NUCB2: variants seen among roughly 807,000 people sequenced by gnomAD.
NUCB2 encodes the protein nucleobindin-2.
NUCB2 carries 48 observed loss-of-function variants against 57.9 expected under a neutral mutation model. The observed-to-expected ratio is 0.83, with a 90% CI of 0.66 to 1.05. The LOEUF is 1.05. NUCB2 is among the 50% of genes least tolerant of loss of function. The pLI is 0.00. For missense variants in NUCB2, 442 were observed against 476.2 expected (o/e 0.93, Z 0.67); for synonymous variants, 139 against 152.1 (o/e 0.91, Z 0.64).
intron 2 of NUCB2, among the ~76,000 whole-genome samples, chr11:17,287,164 C>CA (rs72049573): frequency 1.8e-4 from 27 of 149,818 alleles, no homozygotes; most frequent in South Asian, 8.5e-4. Context: ...ACAACTCTAC[C>CA]AAAAAAAAAT....
chr11:17,335,276 C>T (rs145430884), downstream of NUCB2, among the ~76,000 whole-genome samples: 118 of 152,096 alleles, frequency 7.8e-4, 2 homozygotes, highest in East Asian at 0.021. Flanking sequence ...TTTGGGTAAA[C>T]GTTTTTAGAT....
chr11:17,334,053 A>ACTGCCC (rs1951613872), downstream of NUCB2: 1 of 152,176 alleles, frequency 6.6e-6, no homozygotes, highest in Non-Finnish European at 1.5e-5. Context: ...AAGAAGTCTC[A>ACTGCCC]CTGCCCAAAG....
intron 2 of NUCB2, among the ~76,000 whole-genome samples, chr11:17,339,614 G>A (rs1479146356): frequency 6.8e-6 from 1 of 147,094 alleles, no homozygotes; most frequent in African/African-American, 2.5e-5. Context: ...TTGGTTTTTT[G>A]TCCTTGCGAT....
intron 2 of NUCB2, among the ~76,000 whole-genome samples, chr11:17,288,958 TA>T (rs1431293880): frequency 0.041 from 3,273 of 80,570 alleles, 596 homozygotes; most frequent in East Asian, 0.082. Context: ...CACATATATA[TA>T]TATATTTTTT....
At chr11:17,287,912 C>T (rs554224706) in intron 2 of NUCB2, among the ~76,000 whole-genome samples, 19 of 152,092 alleles carry the variant, frequency 1.2e-4, no homozygotes, top group African/African-American at 4.3e-4. Flanking sequence ...AGGCAGGAAT[C>T]GCTTGAACCC....
chr11:17,294,780 G>A (rs1007699412), intron 2 of NUCB2, among the ~76,000 whole-genome samples: 4 of 151,980 alleles, frequency 2.6e-5, no homozygotes, highest in Non-Finnish European at 5.9e-5. Flanking sequence ...GGGCACAGTG[G>A]CTCACGCCTG....
In NUCB2 at chr11:17,330,870, T is replaced by C. The variant is rs1951307601; in HGVS notation, c.1174-32T>C. The C allele has an allele frequency of 1.6e-6, 2 of 1,285,788 alleles. No individual in the cohort carries two copies. The highest frequency in any genetic ancestry group is 2.9e-5 in the African/African-American group (2 of 69,022). The allele number at this position is 1,285,788 out of a possible 1,614,324, so 79.6% of individuals were successfully genotyped here. A position where few individuals can be genotyped will look rare whatever the true frequency, so the allele number is the denominator to read the frequency against. On this transcript the variant is annotated intron_variant, in intron 12 of 13. Transcript: ENST00000529010. The surrounding 1 kb of genome is among the most constrained non-coding windows in gnomAD (Gnocchi z 4.3). The stretch of plus-strand genomic sequence containing the variant: ...TCACACATATGATAGAAAATCAAGT[T>C]ATACTTTTAACTTTCATTTTCCATT...
rs1279669540 is a variant in NUCB2, at chr11:17,330,178, AAT to A, written c.1057_1058del (p.Ile353TyrfsTer7). 4 of 1,586,958 alleles carry A rather than the reference AAT, an allele frequency of 2.5e-6. No individual in the cohort carries two copies. The highest frequency in any genetic ancestry group is 3.4e-6 in the Non-Finnish European group (4 of 1,159,630). On this transcript the variant is annotated frameshift_variant, in exon 12 of 14. Transcript: ENST00000529010. LOFTEE classifies it high-confidence loss of function. The surrounding 1 kb of genome is among the most constrained non-coding windows in gnomAD (Gnocchi z 4.3). Reference sequence around the variant, plus strand: ...AGAGGAAGAACTAAAAGAATATGAAAATATTATTGCTTTACAAGAAAATGAAC... The same window carrying A: ...AGAGGAAGAACTAAAAGAATATGAAAATTATTGCTTTACAAGAAAATGAAC... ...FTEEELKEYENIIALQENELK... is the reference protein window; with the variant it reads ...FTEEELKEYEXIIALQENELK...
chr11:17,282,572 T>A (rs1485335800), intron 1 of NUCB2, among the ~76,000 whole-genome samples: 1 of 152,020 alleles, frequency 6.6e-6, no homozygotes. Context: ...ACATCTTTGT[T>A]TATTCCGGTT....
chr11:17,289,598 A>G (rs982255983), intron 2 of NUCB2, among the ~76,000 whole-genome samples: 14 of 152,190 alleles, frequency 9.2e-5, no homozygotes, highest in Non-Finnish European at 1.6e-4. Flanking sequence ...CTCTTCCTTT[A>G]GCTCAGCCAC....
At chr11:17,326,501 T>G (rs1303422923) in intron 11 of NUCB2, among the ~76,000 whole-genome samples, 1 of 150,644 alleles carries the variant, frequency 6.6e-6, no homozygotes, top group Non-Finnish European at 1.5e-5. Context: ...GTATTTTTAA[T>G]AGAGACAGGG....
intron 2 of NUCB2, among the ~76,000 whole-genome samples, chr11:17,346,205 G>A (rs772015491): frequency 1.3e-5 from 2 of 152,166 alleles, no homozygotes; most frequent in Non-Finnish European, 2.9e-5. Context: ...GCTAGTAAGT[G>A]GTTATCCACC....
In NUCB2 at chr11:17,285,253, C is replaced by T. The variant is rs541588796; in HGVS notation, c.-1+2310C>T. Among the ~76,000 whole-genome samples the T allele has an allele frequency of 4.0e-5, 6 of 151,826 alleles. No individual in the cohort carries two copies. The South Asian group carries it at 1.2e-3, about 32-fold the overall frequency. On this transcript the variant is annotated intron_variant, in intron 2 of 13. Coordinates refer to ENST00000529010, the MANE Select transcript of NUCB2 (RefSeq NM_005013.4). ...CCATCCTGGCTAACATGGTGAAACC[C>T]CGTCTCTACTAAAAACATACAAAAA...
rs61660913 is a variant in NUCB2, at chr11:17,291,545, C to CAAA, written c.1-3766_1-3764dup. On this transcript the variant is annotated intron_variant, in intron 2 of 13. Transcript: ENST00000529010. The stretch of plus-strand genomic sequence containing the variant: ...TGGGTGGCAGAGTAAGACTCTGCAT[C>CAAA]AAAAAAAAAAAAAAATCAGTCTTTT... Among the ~76,000 whole-genome samples, 75 of 52,206 alleles carry CAAA rather than the reference C, an allele frequency of 1.4e-3. 5 individuals are homozygous for CAAA. The highest frequency in any genetic ancestry group is 4.6e-3 in the African/African-American group (67 of 14,532). 34.2% of individuals were successfully genotyped at this position (52,206 alleles called of 152,430 possible).
At chr11:17,345,755 T>C (rs887886607) in intron 2 of NUCB2, among the ~76,000 whole-genome samples, 4 of 152,184 alleles carry the variant, frequency 2.6e-5, no homozygotes, top group Admixed American at 2.6e-4. Context: ...AAAACGTTAT[T>C]TTTAAATTTT....
At position 17,300,192 on chromosome 11, in the gene NUCB2, G is replaced by T. The variant is rs1262428334; in HGVS notation, c.253-1552G>T. On this transcript the variant is annotated intron_variant, in intron 4 of 13. Coordinates refer to ENST00000529010, the MANE Select transcript of NUCB2 (RefSeq NM_005013.4). ...CACCTGGCTAATTTTTGTATTTTTA[G>T]CAGAGATGGGTTTTCGCCATGTTGG... Among the ~76,000 whole-genome samples, 4 of 152,016 alleles carry T rather than the reference G, an allele frequency of 2.6e-5. No individual in the cohort carries two copies. The East Asian group carries it at 7.7e-4, about 29-fold the overall frequency.
chr11:17,287,288 C>T (rs1360695670), intron 2 of NUCB2, among the ~76,000 whole-genome samples: 1 of 152,026 alleles, frequency 6.6e-6, no homozygotes, highest in African/African-American at 2.4e-5. Flanking sequence ...GCTGTGAGCT[C>T]ACCACTGCAC....
At chr11:17,336,590 T>TA (rs1159189221), downstream of NUCB2, among the ~76,000 whole-genome samples, 3 of 151,082 alleles carry the variant, frequency 2.0e-5, no homozygotes, top group African/African-American at 7.3e-5. Flanking sequence ...CCGTCTCTAC[T>TA]AAAAATACAA....
In NUCB2 at chr11:17,339,855, T is replaced by G. The variant is rs1359876809; in HGVS notation, n.2626+2321T>G. 2.0e-5 allele frequency among the ~76,000 whole-genome samples: 3 copies of G among 152,264 alleles called. No individual in the cohort carries two copies. In the East Asian group the frequency reaches 5.8e-4, roughly 29 times the overall value. On this transcript the variant is annotated intron_variant and non_coding_transcript_variant, in intron 2 of 2. Transcript: ENST00000532240. ...TATAGCAGCATGTTTTATAATCCTT[T>G]GGGTATATACGCAGTAATGGGATGG...
Sources: gnomAD v4.1 joint callset for allele counts (sites outside exome capture counted in the v4.1 genomes callset) on GRCh38, gnomAD v4.1.1 for gene constraint, Gnocchi (gnomAD v3.1) non-coding constraint, MANE v1.5 for transcripts, NCBI Gene and HGNC (gene_info 2026-07-23, HGNC 2026-07-21) for gene names.